Variants in SKAP1 observed in about 807,000 individuals in gnomAD.
SKAP1 encodes the protein src kinase-associated phosphoprotein 1.
Under a neutral mutation model 58.5 loss-of-function variants are expected in SKAP1, and 44 were observed. The ratio of observed to expected loss-of-function variants is 0.75; its 90% CI spans 0.59 to 0.97. SKAP1 has a LOEUF of 0.97. Ranked by LOEUF, SKAP1 falls within the 50% of genes least tolerant of loss-of-function variation. SKAP1 has a pLI of 0.00. For missense variants in SKAP1, 390 were observed against 435.2 expected, an observed-to-expected ratio of 0.90 and a Z score of 0.92; for synonymous variants, 127 against 149.7, an observed-to-expected ratio of 0.85 and a Z score of 1.11.
intron 11 of SKAP1, among the ~76,000 whole-genome samples, chr17:48,139,265 T>C (rs941651103): frequency 1.3e-5 from 2 of 151,556 alleles, no homozygotes; most frequent in Admixed American, 1.3e-4. Flanking sequence ...CACTGCAACT[T>C]CTGCCTCCTG....
At position 48,345,944 on chromosome 17, in the gene SKAP1, T is replaced by C; in HGVS notation, c.241A>G (p.Thr81Ala). Reference sequence around the variant, plus strand: ...TCTGACAAAAAGGGTGCATCGGATGTGAGGGACAGGCCAAGAGTCCCGCTG... The same window carrying C: ...TCTGACAAAAAGGGTGCATCGGATGCGAGGGACAGGCCAAGAGTCCCGCTG... ...NHSGTLGLSL[T>A]SDAPFLSDYQ... is the part of the protein sequence containing the mutation. The change falls in exon 4 of 13, where the codon ACA becomes GCA. Residue 81 changes from threonine (T) to alanine (A), a missense_variant. Transcript: ENST00000336915. 1 of 1,613,742 alleles carries C rather than the reference T, an allele frequency of 6.2e-7. No homozygotes were observed. The highest frequency in any genetic ancestry group is 1.1e-5 in the South Asian group (1 of 91,040).
intron 4 of SKAP1, among the ~76,000 whole-genome samples, chr17:48,272,272 C>T (rs1215457076): frequency 1.3e-5 from 2 of 151,904 alleles, no homozygotes; most frequent in African/African-American, 2.4e-5. Flanking sequence ...GCTGGGATTA[C>T]AGGTGTGTGC....
chr17:48,369,643 A>T (rs2067058651), intron 2 of SKAP1, among the ~76,000 whole-genome samples: 1 of 152,248 alleles, frequency 6.6e-6, no homozygotes. Context: ...GATTTATTGA[A>T]CATTTTGTTG....
intron 1 of SKAP1, among the ~76,000 whole-genome samples, chr17:48,425,247 G>A (rs971745065): frequency 2.6e-5 from 4 of 152,026 alleles, no homozygotes; most frequent in African/African-American, 9.7e-5. Flanking sequence ...AACAGAGTGA[G>A]ACTCCATCTC....
chr17:48,241,932 C>A (rs2065247575), intron 4 of SKAP1, among the ~76,000 whole-genome samples: 1 of 152,124 alleles, frequency 6.6e-6, no homozygotes, highest in Admixed American at 6.5e-5. Flanking sequence ...TATCAAGGCT[C>A]CTGACACATC....
intron 10 of SKAP1, among the ~76,000 whole-genome samples, chr17:48,165,797 C>T (rs557977196): frequency 2.0e-5 from 3 of 152,284 alleles, no homozygotes; most frequent in African/African-American, 7.2e-5. Flanking sequence ...TTACACTACT[C>T]TGGCAGCCGT....
intron 10 of SKAP1, among the ~76,000 whole-genome samples, chr17:48,170,078 A>G (rs761114828): frequency 4.6e-4 from 70 of 152,336 alleles, no homozygotes; most frequent in Non-Finnish European, 5.0e-4. Flanking sequence ...ATGTAATTTT[A>G]TATTCAACAA....
chr17:48,338,710 G>A (rs2066609364), intron 4 of SKAP1, among the ~76,000 whole-genome samples: 1 of 152,122 alleles, frequency 6.6e-6, no homozygotes. Flanking sequence ...CCAAAATGCT[G>A]GGTTGAAAAT....
At chr17:48,365,801 T>G (rs1395938606) in intron 2 of SKAP1, among the ~76,000 whole-genome samples, 1 of 147,008 alleles carries the variant, frequency 6.8e-6, no homozygotes, top group Admixed American at 6.8e-5. Flanking sequence ...TTTTTTAACC[T>G]AGGGAGGGAG....
At chr17:48,377,868 A>G (rs2144463810) in intron 2 of SKAP1, among the ~76,000 whole-genome samples, 1 of 152,312 alleles carries the variant, frequency 6.6e-6, no homozygotes, top group Non-Finnish European at 1.5e-5. Context: ...TAGTCCATTA[A>G]AACATTCAAA....
chr17:48,413,523 A>AAAAAAAAATATATAT, intron 1 of SKAP1, among the ~76,000 whole-genome samples: 2 of 105,454 alleles, frequency 1.9e-5, no homozygotes, highest in African/African-American at 8.6e-5. Context: ...TCAAAAAAAA[A>AAAAAAAAATATATAT]ATATATATAT....
chr17:48,158,139 C>A (rs1424798440), intron 11 of SKAP1, among the ~76,000 whole-genome samples: 3 of 140,426 alleles, frequency 2.1e-5, no homozygotes, highest in Non-Finnish European at 3.1e-5. Context: ...ATCATGCTAT[C>A]GCACTCCAGC....
intron 1 of SKAP1, 88 bp downstream of exon 1, chr17:48,429,987 G>T: frequency 9.1e-7 from 1 of 1,101,174 alleles, no homozygotes. Flanking sequence ...GAGTGACGAA[G>T]CCGTAAAGAA....
At chr17:48,202,600 C>A (rs1474839511) in intron 4 of SKAP1, among the ~76,000 whole-genome samples, 1 of 152,096 alleles carries the variant, frequency 6.6e-6, no homozygotes. Flanking sequence ...AAAACTCAAG[C>A]AAGTTTGAAG....
chr17:48,296,583 C>T (rs2144105401), intron 4 of SKAP1, among the ~76,000 whole-genome samples: 1 of 152,224 alleles, frequency 6.6e-6, no homozygotes, highest in East Asian at 1.9e-4. Context: ...TCTGGTCTAA[C>T]TAAAATTTCC....
intron 3 of SKAP1, among the ~76,000 whole-genome samples, chr17:48,357,812 A>G (rs546217057): frequency 5.9e-5 from 9 of 152,304 alleles, no homozygotes. Context: ...AACTTCAAAA[A>G]CAGTTTGTGT....
chr17:48,308,191 A>G (rs1405920669), intron 4 of SKAP1: 1 of 152,214 alleles, frequency 6.6e-6, no homozygotes, highest in Non-Finnish European at 1.5e-5. Context: ...AAAATAGGAG[A>G]AAGAAAAATA....
intron 2 of SKAP1, among the ~76,000 whole-genome samples, chr17:48,394,996 TC>T (rs1213171967): frequency 1.3e-5 from 2 of 152,308 alleles, no homozygotes; most frequent in East Asian, 3.9e-4. Flanking sequence ...AACAGAAAGC[TC>T]CCATCAACAA....
At chr17:48,413,547 C>T (rs549427252) in intron 1 of SKAP1, among the ~76,000 whole-genome samples, 3 of 123,996 alleles carry the variant, frequency 2.4e-5, no homozygotes, top group Non-Finnish European at 3.3e-5. Flanking sequence ...TATATATTTG[C>T]TCTTCAATGT....
Sources: gnomAD v4.1 joint callset for allele counts (sites outside exome capture counted in the v4.1 genomes callset) on GRCh38, gnomAD v4.1.1 for gene constraint, MANE v1.5 for transcripts, NCBI Gene and HGNC (gene_info 2026-07-23, HGNC 2026-07-21) for gene names.